ROBO2: variants seen among roughly 807,000 people sequenced by gnomAD.
ROBO2 encodes the protein roundabout homolog 2.
A neutral mutation model predicts 160.8 loss-of-function variants in ROBO2; 53 were observed. The observed-to-expected ratio is 0.33, with a 90% CI of 0.26 to 0.41. The LOEUF (loss-of-function observed/expected upper bound fraction) is 0.41, where lower values mean the gene tolerates loss of function less well. Ranked by LOEUF, ROBO2 falls within the 10% of genes least tolerant of loss-of-function variation. The pLI is 1.00. For missense variants in ROBO2, 1,577 were observed against 1,722.4 expected (o/e 0.92, Z 1.49); for synonymous variants, 664 against 611.7 (o/e 1.09, Z -1.26).
chr3:77,479,579 C>T (rs2084435819), intron 3 of ROBO2, among the ~76,000 whole-genome samples: 1 of 151,208 alleles, frequency 6.6e-6, no homozygotes, highest in African/African-American at 2.4e-5. Context: ...TGAGCCCCAA[C>T]ACCAGTCTCA....
At chr3:76,756,923 G>A (rs1174562061) in intron 2 of ROBO2, among the ~76,000 whole-genome samples, 1 of 151,858 alleles carries the variant, frequency 6.6e-6, no homozygotes, top group Non-Finnish European at 1.5e-5. Flanking sequence ...GAGAAAGACT[G>A]TGAAGGGATT....
chr3:76,892,308 C>T (rs969321492), intron 2 of ROBO2, among the ~76,000 whole-genome samples: 3 of 152,170 alleles, frequency 2.0e-5, no homozygotes, highest in African/African-American at 7.2e-5. Flanking sequence ...TCTTAAATCT[C>T]TGATTTTGAT....
At chr3:76,487,748 C>G (rs559191395) in intron 2 of ROBO2, among the ~76,000 whole-genome samples, 36 of 152,202 alleles carry the variant, frequency 2.4e-4, no homozygotes, top group Non-Finnish European at 4.6e-4. Flanking sequence ...CTTCCTAGTT[C>G]CCTCAGGTAG....
chr3:76,768,073 C>T (rs751227314), intron 2 of ROBO2, among the ~76,000 whole-genome samples: 3 of 151,252 alleles, frequency 2.0e-5, no homozygotes, highest in Admixed American at 6.6e-5. Context: ...TATAGAAACA[C>T]AAAAAGTCCT....
chr3:76,863,425 G>A (rs768773098), intron 2 of ROBO2, among the ~76,000 whole-genome samples: 1 of 144,152 alleles, frequency 6.9e-6, no homozygotes, highest in African/African-American at 2.6e-5. Context: ...GTGACAGAGT[G>A]AGAACCTGTC....
At chr3:76,802,242 A>G (rs2064255669) in intron 2 of ROBO2, among the ~76,000 whole-genome samples, 1 of 152,358 alleles carries the variant, frequency 6.6e-6, no homozygotes, top group East Asian at 1.9e-4. Context: ...TTATAAAAAA[A>G]GTGCAATATC....
intron 2 of ROBO2, among the ~76,000 whole-genome samples, chr3:76,576,140 G>A (rs1352597289): frequency 6.6e-6 from 1 of 151,996 alleles, no homozygotes; most frequent in Non-Finnish European, 1.5e-5. Flanking sequence ...ATTAACTGAA[G>A]GAATTACTAT....
chr3:76,918,371 T>G (rs2148974779), intron 2 of ROBO2, among the ~76,000 whole-genome samples: 1 of 152,300 alleles, frequency 6.6e-6, no homozygotes, highest in African/African-American at 2.4e-5. Context: ...TGATTGTAAG[T>G]TTCCTGAGGC....
At chr3:77,332,957 C>T (rs2066130361) in intron 2 of ROBO2, among the ~76,000 whole-genome samples, 1 of 152,200 alleles carries the variant, frequency 6.6e-6, no homozygotes, top group South Asian at 2.1e-4. Flanking sequence ...CTTCCTCACT[C>T]TAAGCAGAAA....
At chr3:77,203,591 T>A (rs770781835) in intron 2 of ROBO2, among the ~76,000 whole-genome samples, 1 of 152,236 alleles carries the variant, frequency 6.6e-6, no homozygotes, top group South Asian at 2.1e-4. Context: ...ATCAGACTTG[T>A]CTTTTTCAAG....
At chr3:76,228,463 AGAC>A (rs1172649641) in intron 2 of ROBO2, among the ~76,000 whole-genome samples, 1 of 6,904 alleles carries the variant, frequency 1.4e-4, no homozygotes, top group Non-Finnish European at 1.4e-3. Flanking sequence ...AGCAAATTAC[AGAC>A]AGACAGTTTT....
At chr3:76,323,969 CTAT>C (rs2072795233) in intron 2 of ROBO2, among the ~76,000 whole-genome samples, 1 of 152,118 alleles carries the variant, frequency 6.6e-6, no homozygotes, top group Non-Finnish European at 1.5e-5. Context: ...TTTCAGGTCA[CTAT>C]TATTCTGAAT....
chr3:76,141,362 G>GA (rs906285936), intron 2 of ROBO2, among the ~76,000 whole-genome samples: 1 of 149,706 alleles, frequency 6.7e-6, no homozygotes, highest in Non-Finnish European at 1.5e-5. Context: ...AAATGTGTGA[G>GA]AAAAAAACTT....
At chr3:76,261,884 A>T (rs1350285234) in intron 2 of ROBO2, among the ~76,000 whole-genome samples, 1 of 152,164 alleles carries the variant, frequency 6.6e-6, no homozygotes, top group African/African-American at 2.4e-5. Context: ...AATGATATGA[A>T]AGTATTTTAT....
chr3:76,436,446 C>G (rs2109067317), intron 2 of ROBO2, among the ~76,000 whole-genome samples: 1 of 152,310 alleles, frequency 6.6e-6, no homozygotes, highest in Non-Finnish European at 1.5e-5. Context: ...ACTAAAATCT[C>G]CACTGCAGGC....
At chr3:76,783,398 A>G (rs1449780033) in intron 2 of ROBO2, among the ~76,000 whole-genome samples, 1 of 138,398 alleles carries the variant, frequency 7.2e-6, no homozygotes, top group East Asian at 2.2e-4. Flanking sequence ...TCTTCATTTC[A>G]TTTCTTGAAA....
intron 2 of ROBO2, among the ~76,000 whole-genome samples, chr3:77,113,296 A>G (rs569771751): frequency 3.9e-5 from 6 of 152,304 alleles, no homozygotes; most frequent in Admixed American, 6.5e-5. Flanking sequence ...AAGGAGGAAA[A>G]TGCTGTGTTT....
chr3:76,078,546 G>A (rs1405698020), intron 2 of ROBO2, among the ~76,000 whole-genome samples: 2 of 151,848 alleles, frequency 1.3e-5, no homozygotes, highest in Non-Finnish European at 2.9e-5. Flanking sequence ...TCATCCTTTT[G>A]TAGAGACAGG....
chr3:76,414,443 A>T (rs2075653086), intron 2 of ROBO2, among the ~76,000 whole-genome samples: 1 of 152,218 alleles, frequency 6.6e-6, no homozygotes, highest in South Asian at 2.1e-4. Context: ...GCCATAAAAA[A>T]TGATGAGTTC....
Sources: gnomAD v4.1 joint callset for allele counts (sites outside exome capture counted in the v4.1 genomes callset) on GRCh38, gnomAD v4.1.1 for gene constraint, MANE v1.5 for transcripts, NCBI Gene and HGNC (gene_info 2026-07-23, HGNC 2026-07-21) for gene names.